KCNK2: variants seen among roughly 807,000 people sequenced by gnomAD.
KCNK2 encodes potassium two pore domain channel subfamily K member 2.
A neutral mutation model predicts 40.5 loss-of-function variants in KCNK2; 21 were observed. The ratio of observed to expected loss-of-function variants is 0.52; its 90% CI spans 0.37 to 0.75. The LOEUF (loss-of-function observed/expected upper bound fraction) is 0.75, where lower values mean the gene tolerates loss of function less well. KCNK2 is among the 30% of genes least tolerant of loss of function. The pLI is 0.00. For missense variants in KCNK2, 399 were observed against 531.6 expected (o/e 0.75, Z 2.45); for synonymous variants, 191 against 202.2 (o/e 0.94, Z 0.47).
At chr1:215,113,248 C>T (rs1456851000) in intron 2 of KCNK2, among the ~76,000 whole-genome samples, 2 of 151,968 alleles carry the variant, frequency 1.3e-5, no homozygotes, top group Non-Finnish European at 2.9e-5. Context: ...TTGCTTAGAA[C>T]TTTCAGTATT....
chr1:215,006,997 CTATATATATATATATATATATATA>C (rs199497700), intron 1 of KCNK2, among the ~76,000 whole-genome samples: 29,452 of 81,774 alleles, frequency 0.36, 5,030 homozygotes, highest in South Asian at 0.65. Flanking sequence ...GACCAATTCA[CTATATATATATATATATATATATA>C]TATATATATA....
At chr1:215,122,238 G>A (rs1661220316) in intron 2 of KCNK2, among the ~76,000 whole-genome samples, 1 of 151,952 alleles carries the variant, frequency 6.6e-6, no homozygotes, top group South Asian at 2.1e-4. Context: ...TTCATTTATA[G>A]ATTTCATCTA....
chr1:215,153,582 T>A (rs11584864), intron 3 of KCNK2, among the ~76,000 whole-genome samples: 3,386 of 129,854 alleles, frequency 0.026, 52 homozygotes, highest in African/African-American at 0.068. Context: ...ATATATATAT[T>A]TTTTTTTCTC....
intron 3 of KCNK2, among the ~76,000 whole-genome samples, chr1:215,139,885 C>A (rs1457549051): frequency 6.6e-6 from 1 of 151,714 alleles, no homozygotes; most frequent in East Asian, 1.9e-4. Context: ...ATGTGATTAA[C>A]ATAAAAATAG....
chr1:215,230,528 T>TAACAGCC (rs1553276493), intron 6 of KCNK2, among the ~76,000 whole-genome samples: 2 of 87,980 alleles, frequency 2.3e-5, no homozygotes, highest in African/African-American at 1.1e-4. Flanking sequence ...TATATATATA[T>TAACAGCC]ATATGTATAT....
chr1:215,152,124 A>AT (rs1266879294), intron 3 of KCNK2, among the ~76,000 whole-genome samples: 7 of 152,028 alleles, frequency 4.6e-5, no homozygotes, highest in East Asian at 1.9e-4. Context: ...GTACATTAAC[A>AT]TTTTTTGTCC....
At chr1:215,077,323 G>T (rs1658979702) in intron 1 of KCNK2, among the ~76,000 whole-genome samples, 1 of 152,004 alleles carries the variant, frequency 6.6e-6, no homozygotes. Context: ...TAGTAAACTG[G>T]AACTTCTAGG....
chr1:215,124,956 C>CTT (rs1661350871), intron 3 of KCNK2, among the ~76,000 whole-genome samples: 1 of 152,156 alleles, frequency 6.6e-6, no homozygotes, highest in African/African-American at 2.4e-5. Flanking sequence ...ACTGAGTTGA[C>CTT]TTTAAAATAC....
intron 3 of KCNK2, among the ~76,000 whole-genome samples, chr1:215,164,060 C>T (rs572222651): frequency 6.6e-6 from 1 of 152,084 alleles, no homozygotes; most frequent in East Asian, 1.9e-4. Context: ...GGACTTTTTT[C>T]GATTGGTAGG....
At chr1:215,062,546 C>T (rs927990448) in intron 1 of KCNK2, among the ~76,000 whole-genome samples, 1 of 150,938 alleles carries the variant, frequency 6.6e-6, no homozygotes, top group African/African-American at 2.4e-5. Flanking sequence ...AACAAGAACT[C>T]TACACCTGAT....
chr1:215,108,392 A>C (rs922550667), intron 2 of KCNK2, among the ~76,000 whole-genome samples: 2 of 152,178 alleles, frequency 1.3e-5, no homozygotes, highest in African/African-American at 2.4e-5. Context: ...GGAGATCCTG[A>C]AACCAATCCC....
chr1:215,043,922 G>T (rs562116962), intron 1 of KCNK2, among the ~76,000 whole-genome samples: 15 of 152,152 alleles, frequency 9.9e-5, no homozygotes, highest in Non-Finnish European at 2.2e-4. Flanking sequence ...ATCTGTAGAT[G>T]ATGCCAAAAA....
chr1:215,016,976 G>T (rs1656612567), intron 1 of KCNK2, among the ~76,000 whole-genome samples: 1 of 151,968 alleles, frequency 6.6e-6, no homozygotes, highest in Admixed American at 6.6e-5. Context: ...CATACAGACA[G>T]GTGTATAAAA....
intron 3 of KCNK2, among the ~76,000 whole-genome samples, chr1:215,164,640 A>G (rs1219430113): frequency 1.3e-5 from 2 of 152,144 alleles, no homozygotes; most frequent in African/African-American, 4.8e-5. Flanking sequence ...GGTTTCAAAG[A>G]ACTTATTTAT....
intron 1 of KCNK2, among the ~76,000 whole-genome samples, chr1:215,045,379 A>G (rs1657732474): frequency 6.6e-6 from 1 of 152,170 alleles, no homozygotes; most frequent in Non-Finnish European, 1.5e-5. Context: ...TCTTTGTACT[A>G]TTAATTATGT....
chr1:215,036,659 T>G (rs1330138160), intron 1 of KCNK2, among the ~76,000 whole-genome samples: 2 of 151,968 alleles, frequency 1.3e-5, no homozygotes, highest in Non-Finnish European at 2.9e-5. Flanking sequence ...TCATCTAATC[T>G]TTGAATATAC....
chr1:215,008,591 G>C (rs1043170198), intron 1 of KCNK2, among the ~76,000 whole-genome samples: 2 of 152,060 alleles, frequency 1.3e-5, no homozygotes, highest in Non-Finnish European at 2.9e-5. Context: ...TTTTTGTGAA[G>C]ATTAAATGAG....
At position 215,082,961 on chromosome 1, in the gene KCNK2, C is replaced by A. The variant is rs1026208049; in HGVS notation, c.-425C>A. ...TGCACCCACCGCCCCCGCGCCGCGC[C>A]GTGCCGGGGCCGGGCCAGCGAGCAG... On this transcript the variant is annotated 5_prime_UTR_variant, in exon 1 of 7. Coordinates refer to ENST00000444842, the MANE Select transcript of KCNK2 (RefSeq NM_001017425.3). Among the ~76,000 whole-genome samples the A allele has an allele frequency of 6.7e-6, 1 of 148,370 alleles. No homozygotes were observed. Among genetic ancestry groups the A allele is most frequent in the Admixed American group, 6.7e-5 (1 of 14,904 alleles).
intron 2 of KCNK2, among the ~76,000 whole-genome samples, chr1:215,099,799 T>C (rs752643885): frequency 6.6e-6 from 1 of 152,036 alleles, no homozygotes; most frequent in Non-Finnish European, 1.5e-5. Context: ...TCCACAATTA[T>C]GTATCTGTTC....
Sources: gnomAD v4.1 joint callset for allele counts (sites outside exome capture counted in the v4.1 genomes callset) on GRCh38, gnomAD v4.1.1 for gene constraint, MANE v1.5 for transcripts, NCBI Gene and HGNC (gene_info 2026-07-23, HGNC 2026-07-21) for gene names.